LAMA3: variants seen among roughly 807,000 people sequenced by gnomAD.
LAMA3 encodes laminin subunit alpha-3.
Under a neutral mutation model 402.0 loss-of-function variants are expected in LAMA3, and 281 were observed. The ratio of observed to expected loss-of-function variants is 0.70; its 90% confidence interval spans 0.63 to 0.77. The LOEUF is 0.77. LAMA3 is among the 30% of genes least tolerant of loss of function. LAMA3 has a pLI of 0.00. For missense variants in LAMA3, 3,840 were observed against 4,215.5 expected, an observed-to-expected ratio of 0.91 and a Z score of 2.47; for synonymous variants, 1,431 against 1,558.4, an observed-to-expected ratio of 0.92 and a Z score of 1.93.
In LAMA3 at chr18:23,876,814, C is replaced by T. The variant is rs192943305; in HGVS notation, c.5112+407C>T. On this transcript the variant is annotated intron_variant, in intron 39 of 74. Transcript: ENST00000313654. ...TCAGATGTCCAGTAACTCAAGAAAG[C>T]AGCCAGGGAGAAGGGGATTTGAGGA... 2.3e-3 allele frequency among the ~76,000 whole-genome samples: 352 copies of T among 152,234 alleles called. 3 individuals are homozygous for T. The highest frequency in any genetic ancestry group is 7.9e-3 in the African/African-American group (327 of 41,532).
intron 8 of LAMA3, among the ~76,000 whole-genome samples, chr18:23,766,538 A>AT (rs1423923204): frequency 6.6e-6 from 1 of 152,212 alleles, no homozygotes; most frequent in African/African-American, 2.4e-5. Context: ...ATAAAGTACT[A>AT]TTTAAAAACA....
chr18:23,820,943 G>A (rs939294376), intron 19 of LAMA3, among the ~76,000 whole-genome samples: 1 of 152,032 alleles, frequency 6.6e-6, no homozygotes, highest in Non-Finnish European at 1.5e-5. Context: ...TTCTGAAATG[G>A]TACCTAGGAT....
At chr18:23,816,559 C>A in intron 18 of LAMA3, 72 bp downstream of exon 18, 1 of 1,251,658 alleles carries the variant, frequency 8.0e-7, no homozygotes, top group Non-Finnish European at 1.2e-6. Flanking sequence ...GCCTGTGCTA[C>A]AGCTCTGGAG....
chr18:23,716,338 A>G (rs2061099007), intron 2 of LAMA3, among the ~76,000 whole-genome samples: 1 of 151,952 alleles, frequency 6.6e-6, no homozygotes, highest in Non-Finnish European at 1.5e-5. Context: ...TTTGTATTTT[A>G]AGTAGAGACA....
At chr18:23,905,237 T>C (rs1045758128) in intron 51 of LAMA3, among the ~76,000 whole-genome samples, 1 of 152,158 alleles carries the variant, frequency 6.6e-6, no homozygotes, top group Non-Finnish European at 1.5e-5. Context: ...CTCTCCTCTG[T>C]TATTGTAGAG....
At chr18:23,737,130 T>C (rs941015006) in intron 2 of LAMA3, among the ~76,000 whole-genome samples, 2 of 152,030 alleles carry the variant, frequency 1.3e-5, no homozygotes, top group Non-Finnish European at 2.9e-5. Context: ...CTCTGTTTAA[T>C]CCACACCTTC....
In LAMA3 at chr18:23,842,363, T is replaced by TA. The variant is rs1568243057; in HGVS notation, c.3337-30dup. The TA allele has an allele frequency of 2.5e-6, 4 of 1,613,918 alleles. No individual in the cohort carries two copies. The Admixed American group carries it at 6.7e-5, about 27-fold the overall frequency. On this transcript the variant is annotated intron_variant, in intron 27 of 74. Coordinates refer to ENST00000313654, the MANE Select transcript of LAMA3 (RefSeq NM_198129.4). ...CATAGCTCTTCAGCTTGAGGGTTTT[T>TA]AATTTTTTTTCCTCCTCTTTTTTCC...
intron 49 of LAMA3, 78 bp downstream of exon 49, chr18:23,903,203 C>A: frequency 1.1e-6 from 1 of 912,088 alleles, no homozygotes; most frequent in South Asian, 1.3e-5. Context: ...AATGGGCTGA[C>A]CTACTTTTTT....
intron 29 of LAMA3, among the ~76,000 whole-genome samples, chr18:23,842,981 A>C (rs1459653303): frequency 1.3e-5 from 2 of 152,134 alleles, no homozygotes; most frequent in Non-Finnish European, 2.9e-5. Context: ...GCCCCTCTCC[A>C]CCAGCCCCTG....
At chr18:23,799,442 T>G (rs1386609051) in intron 12 of LAMA3, among the ~76,000 whole-genome samples, 1 of 152,192 alleles carries the variant, frequency 6.6e-6, no homozygotes, top group Non-Finnish European at 1.5e-5. Flanking sequence ...GCCAGATTAA[T>G]TCACAATTTT....
At chr18:23,908,641 G>T (rs1314173748) in intron 54 of LAMA3, among the ~76,000 whole-genome samples, 1 of 149,248 alleles carries the variant, frequency 6.7e-6, no homozygotes, top group Non-Finnish European at 1.5e-5. Flanking sequence ...TACCTAGATT[G>T]CAGAATACAA....
At chr18:23,819,352 A>G (rs2063237681) in intron 18 of LAMA3, among the ~76,000 whole-genome samples, 1 of 152,218 alleles carries the variant, frequency 6.6e-6, no homozygotes, top group African/African-American at 2.4e-5. Flanking sequence ...AAAAAATAAC[A>G]TATCAAGAAA....
Position 23,714,597 on chromosome 18 carries a change from G to T in LAMA3, c.447+525G>T, listed in dbSNP as rs536637878. ...ATGCCCATCCCTGTCTATTAAATGA[G>T]ATTAAAAAATAATTGTAAATAGTTT... On this transcript the variant is annotated intron_variant, in intron 2 of 74. Coordinates refer to ENST00000313654, the MANE Select transcript of LAMA3 (RefSeq NM_198129.4). Among the ~76,000 whole-genome samples the T allele has an allele frequency of 2.3e-4, 35 of 152,198 alleles. 1 individual carries two copies. The South Asian group carries it at 7.3e-3, about 32-fold the overall frequency.
intron 68 of LAMA3, among the ~76,000 whole-genome samples, chr18:23,940,215 T>C (rs1012116066): frequency 1.3e-5 from 2 of 152,074 alleles, no homozygotes; most frequent in African/African-American, 4.8e-5. Context: ...CTGCAGATAC[T>C]GTGAGGGGAG....
chr18:23,927,255 C>T (rs547483378), intron 62 of LAMA3, among the ~76,000 whole-genome samples: 15 of 152,158 alleles, frequency 9.9e-5, no homozygotes, highest in Non-Finnish European at 2.1e-4. Flanking sequence ...CTGCAACCTC[C>T]GCCTCCCGGG....
chr18:23,894,930 C>G lies in LAMA3; in HGVS notation c.5485C>G (p.Leu1829Val), dbSNP rs781116222. Residue 1829 changes from leucine to valine, a missense_variant, in exon 44 of 75, where the codon CTC becomes GTC. Physicochemically the swap from Leu to Val is conservative, Grantham distance 32 (BLOSUM62 1). This residue lies in a region of LAMA3 where 891 missense variants were observed against 857.5 expected (regional missense o/e 1.04). Coordinates refer to ENST00000313654, the MANE Select transcript of LAMA3 (RefSeq NM_198129.4). ...AGATTGCGACAGCTGTGTGATGACC[C>G]TCCTGAACGACCTGGCCACCATGGG... ...CDDCDSCVMT[L>V]LNDLATMGEQ... The G allele has an allele frequency of 1.9e-6, 3 of 1,614,208 alleles. No individual in the cohort carries two copies. Among genetic ancestry groups the G allele is most frequent in the Middle Eastern group, 1.6e-4 (1 of 6,062 alleles).
intron 29 of LAMA3, among the ~76,000 whole-genome samples, chr18:23,844,727 A>G (rs1598906004): frequency 6.6e-6 from 1 of 152,238 alleles, no homozygotes; most frequent in East Asian, 1.9e-4. Context: ...GATTGGGACC[A>G]GCAGTGTTTT....
intron 12 of LAMA3, among the ~76,000 whole-genome samples, chr18:23,803,274 G>A (rs556436654): frequency 2.5e-4 from 38 of 152,296 alleles, no homozygotes; most frequent in Middle Eastern, 6.8e-3. Context: ...CCTGGAGAAT[G>A]GTGCCATATT....
intron 70 of LAMA3, among the ~76,000 whole-genome samples, chr18:23,947,829 T>TG (rs1161750639): frequency 5.2e-5 from 6 of 114,362 alleles, no homozygotes; most frequent in African/African-American, 1.4e-4. Flanking sequence ...TTTTTTTTTT[T>TG]GAGACGGAGT....
Sources: gnomAD v4.1 joint callset for allele counts (sites outside exome capture counted in the v4.1 genomes callset) on GRCh38, gnomAD v4.1.1 for gene constraint, gnomAD v4.1.1 regional missense constraint, MANE v1.5 for transcripts, NCBI Gene and HGNC (gene_info 2026-07-23, HGNC 2026-07-21) for gene names.